The following EPHB2 variants were observed in gnomAD, a reference collection of about 807,000 sequenced individuals.
The protein encoded by EPHB2 is EPH receptor B2, also known as ephrin type-B receptor 2.
EPHB2 carries 18 observed loss-of-function variants against 96.4 expected under a neutral mutation model. The ratio of observed to expected loss-of-function variants is 0.19; its 90% confidence interval spans 0.13 to 0.28. The LOEUF (loss-of-function observed/expected upper bound fraction) is 0.28. EPHB2 is among the 10% of genes least tolerant of loss of function. EPHB2 has a pLI of 1.00. For missense variants in EPHB2, 989 were observed against 1,355.4 expected, an observed-to-expected ratio of 0.73 and a Z score of 4.25; for synonymous variants, 506 against 534.1, an observed-to-expected ratio of 0.95 and a Z score of 0.72.
At chr1:22,724,664 C>G (rs902754560) in intron 1 of EPHB2, among the ~76,000 whole-genome samples, 8 of 152,222 alleles carry the variant, frequency 5.3e-5, no homozygotes, top group Non-Finnish European at 8.8e-5. Context: ...TTTTCTCCCC[C>G]TCCTGGGTTT....
chr1:22,834,866 A>G (rs924128597), intron 3 of EPHB2, among the ~76,000 whole-genome samples: 1 of 151,846 alleles, frequency 6.6e-6, no homozygotes, highest in Non-Finnish European at 1.5e-5. Context: ...CAGAGGTTGC[A>G]GTGAGCCGAG....
At chr1:22,889,474 C>G (rs1221984597) in intron 6 of EPHB2, among the ~76,000 whole-genome samples, 1 of 152,188 alleles carries the variant, frequency 6.6e-6, no homozygotes, top group Non-Finnish European at 1.5e-5. Context: ...GTTTAATGTT[C>G]ATTCATTATG....
At chr1:22,773,528 C>T (rs1363911733) in intron 1 of EPHB2, among the ~76,000 whole-genome samples, 6 of 152,314 alleles carry the variant, frequency 3.9e-5, no homozygotes, top group East Asian at 1.9e-4. Context: ...GGCGAAGACC[C>T]GTGGGTGTAG....
Position 22,913,473 on chromosome 1 carries a change from G to A in EPHB2, c.2864G>A (p.Arg955Gln), listed in dbSNP as rs200208409. ...CTTCTCTCCCAAAGGGACATTCTCCGGGTTGGGGTCACTTTGGCTGGCCAC... is the reference window on the plus strand; with the variant it reads ...CTTCTCTCCCAAAGGGACATTCTCCAGGTTGGGGTCACTTTGGCTGGCCAC... Reference protein sequence around the residue: ...VSQMMMEDILRVGVTLAGHQK... With the variant: ...VSQMMMEDILQVGVTLAGHQK... The change falls in exon 16 of 16, where the codon CGG becomes CAG. Residue 955 changes from arginine to glutamine, a missense_variant. Physicochemically the swap from Arg to Gln is conservative, Grantham distance 43. Transcript: ENST00000374630. This position sits in a 1 kb window ranked among gnomAD's most constrained non-coding sequence, Gnocchi z 4.1. 18 of 1,614,206 alleles carry A rather than the reference G, an allele frequency of 1.1e-5. No homozygotes were observed. Among genetic ancestry groups the A allele is most frequent in the Non-Finnish European group, 1.4e-5 (16 of 1,180,046 alleles).
chr1:22,809,107 G>A (rs778968211), intron 3 of EPHB2, among the ~76,000 whole-genome samples: 9 of 152,320 alleles, frequency 5.9e-5, no homozygotes, highest in Non-Finnish European at 8.8e-5. Flanking sequence ...GCTTCCCGGC[G>A]GTGCCTCTGC....
intron 1 of EPHB2, among the ~76,000 whole-genome samples, chr1:22,767,234 G>A (rs1351177439): frequency 2.6e-5 from 4 of 152,234 alleles, no homozygotes; most frequent in Non-Finnish European, 5.9e-5. Flanking sequence ...GGAGCCCAGA[G>A]AAGGGGCATC....
In EPHB2 at chr1:22,796,090, C is replaced by T. The variant is rs577222860; in HGVS notation, c.811+11014C>T. On this transcript the variant is annotated intron_variant, in intron 3 of 15. Coordinates refer to ENST00000374630, the MANE Select transcript of EPHB2 (RefSeq NM_017449.5). ...TATTGAGCACCTTCTGTGAGCTCAGCACCATCCTAGAACCTGGAAATACAG... is the reference window on the plus strand; with the variant it reads ...TATTGAGCACCTTCTGTGAGCTCAGTACCATCCTAGAACCTGGAAATACAG... Among the ~76,000 whole-genome samples, 14 of 152,338 alleles carry T rather than the reference C, an allele frequency of 9.2e-5. No homozygotes were observed. The South Asian group carries it at 2.9e-3, about 32-fold the overall frequency.
intron 1 of EPHB2, among the ~76,000 whole-genome samples, chr1:22,716,665 C>T (rs1202827682): frequency 6.6e-6 from 1 of 152,220 alleles, no homozygotes. Flanking sequence ...GGCCAGTTTG[C>T]TGGGCATTCA....
At chr1:22,774,536 G>A in intron 1 of EPHB2, 1 of 985,062 alleles carries the variant, frequency 1.0e-6, no homozygotes, top group Non-Finnish European at 1.2e-6. Context: ...GAAAAATCTA[G>A]AAAGGTCAAG....
chr1:22,759,145 T>C (rs1644199073), intron 1 of EPHB2, among the ~76,000 whole-genome samples: 1 of 152,096 alleles, frequency 6.6e-6, no homozygotes, highest in Admixed American at 6.5e-5. Flanking sequence ...TCGGAACATT[T>C]TCCCCAGCTA....
chr1:22,860,447 C>T lies in EPHB2; in HGVS notation c.812-2590C>T, dbSNP rs1433345883. ...ACAGTGCCCGGTGGTGGGGGTCGAA[C>T]CTGGCCAGGCAACAGAGCAAATGAA... is the stretch of plus-strand genomic sequence containing the variant. On this transcript the variant is annotated intron_variant, in intron 3 of 15. Transcript: ENST00000374630. The surrounding 1 kb of genome is among the most constrained non-coding windows in gnomAD (Gnocchi z 4.6). 6.6e-6 allele frequency among the ~76,000 whole-genome samples: 1 copy of T among 151,990 alleles called. No homozygotes were observed.
chr1:22,893,218 A>G (rs1639449832), intron 7 of EPHB2, among the ~76,000 whole-genome samples, 172 bp downstream of exon 7: 1 of 152,112 alleles, frequency 6.6e-6, no homozygotes, highest in Non-Finnish European at 1.5e-5. Flanking sequence ...CATATATAAA[A>G]GCCCTGTTTC....
chr1:22,789,416 G>A (rs1293321464), intron 3 of EPHB2, among the ~76,000 whole-genome samples: 1 of 152,230 alleles, frequency 6.6e-6, no homozygotes, highest in African/African-American at 2.4e-5. Context: ...GGTGTGGGCA[G>A]TGATGGTGAA....
chr1:22,833,682 G>A (rs1645339733), intron 3 of EPHB2, among the ~76,000 whole-genome samples: 1 of 152,056 alleles, frequency 6.6e-6, no homozygotes, highest in Non-Finnish European at 1.5e-5. Context: ...AATTAAGAAA[G>A]GAGAAAAAAG....
At chr1:22,822,244 A>T (rs1263267694) in intron 3 of EPHB2, among the ~76,000 whole-genome samples, 1 of 152,168 alleles carries the variant, frequency 6.6e-6, no homozygotes, top group Non-Finnish European at 1.5e-5. Flanking sequence ...ACACTTTGGG[A>T]GGCCAAGGCA....
intron 3 of EPHB2, among the ~76,000 whole-genome samples, chr1:22,821,888 A>G (rs1336632177): frequency 1.3e-5 from 2 of 152,286 alleles, no homozygotes; most frequent in East Asian, 3.9e-4. Flanking sequence ...TGCTTAGTGA[A>G]TGTGGTTACT....
chr1:22,731,105 G>A (rs114903752), intron 1 of EPHB2, among the ~76,000 whole-genome samples: 1,622 of 152,284 alleles, frequency 0.011, 24 homozygotes, highest in African/African-American at 0.034. Context: ...ACCCCAGGAG[G>A]CTCTGTTGGC....
chr1:22,861,652 T>TA, intron 3 of EPHB2, among the ~76,000 whole-genome samples: 1 of 152,082 alleles, frequency 6.6e-6, no homozygotes, highest in South Asian at 2.1e-4. Context: ...GGTGGGTAAG[T>TA]AAAGCACTCT....
rs939314073 is a variant in EPHB2, at chr1:22,846,764, A to C, written c.812-16273A>C. Among the ~76,000 whole-genome samples the C allele has an allele frequency of 6.6e-6, 1 of 152,102 alleles. No individual in the cohort carries two copies. Among genetic ancestry groups the C allele is most frequent in the Non-Finnish European group, 1.5e-5 (1 of 68,010 alleles). On this transcript the variant is annotated intron_variant, in intron 3 of 15. Transcript: ENST00000374630. This position sits in a 1 kb window ranked among gnomAD's most constrained non-coding sequence, Gnocchi z 4.3. ...TTCTTGCTTTTGTCTTGTCATTCTT[A>C]GTCTTCCAACGCAGCTCAAGTGTTT... is the stretch of plus-strand genomic sequence containing the variant.
Sources: allele counts gnomAD v4.1 joint callset (sites outside exome capture counted in the v4.1 genomes callset), GRCh38; gene constraint gnomAD v4.1.1; non-coding constraint Gnocchi (gnomAD v3.1); transcripts MANE v1.5; gene names NCBI Gene and HGNC (gene_info 2026-07-23, HGNC 2026-07-21).